KCNIP4: variants seen among roughly 807,000 people sequenced by gnomAD.
KCNIP4 encodes Kv channel-interacting protein 4.
KCNIP4 carries 12 observed loss-of-function variants against 34.0 expected under a neutral mutation model. That is an observed-to-expected ratio of 0.35 (90% CI 0.23 to 0.57). The LOEUF (loss-of-function observed/expected upper bound fraction) is 0.57, where lower values mean the gene tolerates loss of function less well. Among genes scored for constraint, KCNIP4 ranks in the 20% least tolerant of loss-of-function variants. The pLI is 0.83. For synonymous variants in KCNIP4, 124 were observed against 102.2 expected (o/e 1.21, Z -1.29); for missense variants, 238 against 311.7 (o/e 0.76, Z 1.78).
chr4:21,590,127 G>T (rs944563528), intron 1 of KCNIP4, among the ~76,000 whole-genome samples: 10 of 151,898 alleles, frequency 6.6e-5, no homozygotes, highest in Non-Finnish European at 1.5e-4. Flanking sequence ...TATATTAAAG[G>T]ATTAACTGGG....
At chr4:21,621,283 T>G (rs1408344306) in intron 1 of KCNIP4, among the ~76,000 whole-genome samples, 2 of 152,212 alleles carry the variant, frequency 1.3e-5, no homozygotes, top group African/African-American at 2.4e-5. Flanking sequence ...GCTATCTAGA[T>G]CTCTCCAGTT....
At chr4:21,319,053 C>T (rs905536523) in intron 1 of KCNIP4, among the ~76,000 whole-genome samples, 8 of 152,154 alleles carry the variant, frequency 5.3e-5, no homozygotes, top group African/African-American at 1.7e-4. Flanking sequence ...AAAGAGAGAA[C>T]TTATGAAATA....
intron 1 of KCNIP4, among the ~76,000 whole-genome samples, chr4:21,904,442 T>C (rs1225274134): frequency 1.3e-5 from 2 of 152,186 alleles, no homozygotes; most frequent in African/African-American, 4.8e-5. Context: ...TTAGCAGACA[T>C]TAGCTGTTCC....
At chr4:21,256,608 A>G (rs1761080592) in intron 1 of KCNIP4, among the ~76,000 whole-genome samples, 1 of 152,074 alleles carries the variant, frequency 6.6e-6, no homozygotes, top group East Asian at 1.9e-4. Context: ...AGAAAAGAAA[A>G]AAAAGAGAGA....
intron 1 of KCNIP4, among the ~76,000 whole-genome samples, chr4:21,864,955 T>C (rs1186660223): frequency 6.6e-6 from 1 of 152,146 alleles, no homozygotes; most frequent in East Asian, 1.9e-4. Context: ...ATGCTGATGA[T>C]CTGGACATTG....
intron 1 of KCNIP4, among the ~76,000 whole-genome samples, chr4:21,943,703 G>A: frequency 6.6e-6 from 1 of 152,088 alleles, no homozygotes; most frequent in Non-Finnish European, 1.5e-5. Context: ...ATGGAGGGGG[G>A]CATTAAAAGA....
intron 1 of KCNIP4, among the ~76,000 whole-genome samples, chr4:21,550,161 T>C (rs1738456220): frequency 6.6e-6 from 1 of 152,024 alleles, no homozygotes; most frequent in Non-Finnish European, 1.5e-5. Flanking sequence ...CTTTCAAATT[T>C]CTCCATGGAT....
At chr4:21,395,208 A>G (rs186924764) in intron 1 of KCNIP4, among the ~76,000 whole-genome samples, 20 of 152,214 alleles carry the variant, frequency 1.3e-4, no homozygotes, top group African/African-American at 4.6e-4. Context: ...GCTTCCATAA[A>G]TCCCTTTAGG....
chr4:21,850,243 A>C (rs1228583958), intron 1 of KCNIP4: 2 of 152,156 alleles, frequency 1.3e-5, no homozygotes, highest in Non-Finnish European at 2.9e-5. Flanking sequence ...CAGGGTCCTC[A>C]TACTTCAGCA....
At chr4:21,788,850 G>A (rs952734868) in intron 1 of KCNIP4, among the ~76,000 whole-genome samples, 6 of 151,922 alleles carry the variant, frequency 3.9e-5, no homozygotes, top group Non-Finnish European at 7.4e-5. Context: ...TGAGGTGGGC[G>A]GATCACGAGG....
intron 2 of KCNIP4, among the ~76,000 whole-genome samples, chr4:20,858,410 G>A (rs73242532): frequency 0.1 from 15,532 of 151,932 alleles, 866 homozygotes; most frequent in Middle Eastern, 0.14. Context: ...TGTTATGGCA[G>A]CCCTAGCAAA....
chr4:20,848,365 G>A (rs939590674), intron 3 of KCNIP4, among the ~76,000 whole-genome samples: 2 of 151,622 alleles, frequency 1.3e-5, no homozygotes, highest in Non-Finnish European at 2.9e-5. Flanking sequence ...GTGAAAAAAA[G>A]GAAAGCAAGG....
At chr4:21,346,452 G>A (rs528765454) in intron 1 of KCNIP4, among the ~76,000 whole-genome samples, 22 of 149,380 alleles carry the variant, frequency 1.5e-4, no homozygotes, top group South Asian at 4.2e-4. Flanking sequence ...ACCAAGATTC[G>A]TAACAGAATT....
chr4:20,902,010 C>T (rs879839134), intron 1 of KCNIP4, among the ~76,000 whole-genome samples: 14 of 152,128 alleles, frequency 9.2e-5, no homozygotes, highest in South Asian at 4.2e-4. Flanking sequence ...TGGAATTCTG[C>T]GGTGGTACAA....
chr4:20,956,441 C>G (rs34610147), intron 1 of KCNIP4, among the ~76,000 whole-genome samples: 4,160 of 151,704 alleles, frequency 0.027, 101 homozygotes, highest in South Asian at 0.13. Context: ...GGAGGTGGAG[C>G]TTGCAGTGAG....
chr4:21,075,071 T>G (rs957669320), intron 1 of KCNIP4, among the ~76,000 whole-genome samples: 4 of 152,168 alleles, frequency 2.6e-5, no homozygotes, highest in African/African-American at 9.7e-5. Context: ...TGTGGTCAAT[T>G]TTGGAATAAG....
intron 5 of KCNIP4, among the ~76,000 whole-genome samples, chr4:20,742,922 A>G (rs1751498689): frequency 1.3e-5 from 2 of 152,116 alleles, no homozygotes; most frequent in African/African-American, 4.8e-5. Context: ...TACACCAATA[A>G]TAGACAAACA....
intron 1 of KCNIP4, among the ~76,000 whole-genome samples, chr4:21,157,589 C>A (rs1753237843): frequency 6.6e-6 from 1 of 151,452 alleles, no homozygotes. Context: ...AATTATGAGA[C>A]AAGGAAGAAT....
chr4:21,938,414 A>C (rs1023419760), intron 1 of KCNIP4, among the ~76,000 whole-genome samples: 4 of 152,184 alleles, frequency 2.6e-5, no homozygotes, highest in African/African-American at 9.7e-5. Flanking sequence ...TGTTTTGTGA[A>C]AGAATCAATT....
Sources: gnomAD v4.1 joint callset for allele counts (sites outside exome capture counted in the v4.1 genomes callset) on GRCh38, gnomAD v4.1.1 for gene constraint, MANE v1.5 for transcripts, NCBI Gene and HGNC (gene_info 2026-07-23, HGNC 2026-07-21) for gene names.